The following SLC44A5 variants were observed in gnomAD, a reference collection of about 807,000 sequenced individuals.
SLC44A5 encodes choline transporter-like protein 5.
Under a neutral mutation model 101.8 loss-of-function variants are expected in SLC44A5, and 57 were observed. The observed-to-expected ratio is 0.56, with a 90% CI of 0.45 to 0.70. SLC44A5 has a LOEUF of 0.70. Among genes scored for constraint, SLC44A5 ranks in the 30% least tolerant of loss-of-function variants. SLC44A5 has a pLI of 0.00. For missense variants in SLC44A5, 737 were observed against 853.1 expected (o/e 0.86, Z 1.70); for synonymous variants, 281 against 290.9 (o/e 0.97, Z 0.35).
intron 10 of SLC44A5, among the ~76,000 whole-genome samples, chr1:75,237,959 C>T (rs762789246): frequency 4.6e-5 from 7 of 151,884 alleles, no homozygotes; most frequent in African/African-American, 7.3e-5. Flanking sequence ...TGCGTGCACA[C>T]AGGGAAATAT....
chr1:75,641,019 A>G, the SLC44A5 span, among the ~76,000 whole-genome samples: 2 of 152,120 alleles, frequency 1.3e-5, no homozygotes, highest in Admixed American at 6.6e-5. Context: ...CTTACAGTAG[A>G]ACCCATAAGT....
At chr1:75,369,359 T>A (rs966566738) in intron 3 of SLC44A5, among the ~76,000 whole-genome samples, 1 of 152,172 alleles carries the variant, frequency 6.6e-6, no homozygotes, top group Non-Finnish European at 1.5e-5. Flanking sequence ...ATAAATAATC[T>A]ACTCCATATA....
chr1:75,298,400 T>C (rs1353095841), intron 5 of SLC44A5, among the ~76,000 whole-genome samples: 1 of 152,192 alleles, frequency 6.6e-6, no homozygotes, highest in Non-Finnish European at 1.5e-5. Context: ...ACACAGTTTT[T>C]TATTGAGTAA....
At chr1:75,451,323 C>G (rs1160413403) in intron 2 of SLC44A5, among the ~76,000 whole-genome samples, 1 of 152,118 alleles carries the variant, frequency 6.6e-6, no homozygotes, top group African/African-American at 2.4e-5. Flanking sequence ...TTAGCCGCAG[C>G]CAATTCTTAC....
chr1:75,217,920 C>A lies in SLC44A5; in HGVS notation c.1570G>T (p.Ala524Ser). ...ACAATTTTAAACATTTGAATTAATG[C>A]AATAATTAAAGATCCAAATGCTAGG... is the stretch of plus-strand genomic sequence containing the variant. Reference protein sequence around the residue: ...GSLAFGSLIIALIQMFKIVLE... With the variant: ...GSLAFGSLIISLIQMFKIVLE... The change falls in exon 18 of 24, where the codon GCA becomes TCA. Residue 524 changes from alanine (A) to serine (S), a missense_variant. By Grantham distance (99) the Ala-to-Ser change is moderately conservative (BLOSUM62 1). Coordinates refer to ENST00000370859, the MANE Select transcript of SLC44A5 (RefSeq NM_001130058.2). 6.2e-7 allele frequency: 1 copy of A among 1,605,736 alleles called. No individual in the cohort carries two copies. Among genetic ancestry groups the A allele is most frequent in the Non-Finnish European group, 8.5e-7 (1 of 1,172,818 alleles).
At chr1:75,457,750 G>A (rs549869946) in intron 2 of SLC44A5, among the ~76,000 whole-genome samples, 2 of 152,136 alleles carry the variant, frequency 1.3e-5, no homozygotes, top group Admixed American at 6.6e-5. Context: ...CCAGCTACTA[G>A]GGAGGCTGAG....
chr1:75,544,464 C>A (rs572519402), intron 1 of SLC44A5, among the ~76,000 whole-genome samples: 2 of 152,264 alleles, frequency 1.3e-5, no homozygotes, highest in African/African-American at 4.8e-5. Flanking sequence ...TCAATTGTTA[C>A]CATTTTGCCA....
At chr1:75,338,947 C>G (rs1417850732) in intron 4 of SLC44A5, among the ~76,000 whole-genome samples, 2 of 152,100 alleles carry the variant, frequency 1.3e-5, no homozygotes, top group African/African-American at 4.8e-5. Flanking sequence ...TCACAATCCC[C>G]TTTGTTATTA....
the SLC44A5 span, among the ~76,000 whole-genome samples, chr1:75,696,407 A>G: frequency 6.6e-6 from 1 of 152,240 alleles, no homozygotes; most frequent in Non-Finnish European, 1.5e-5. Context: ...CTATCATGAT[A>G]GGAAAAAGGA....
chr1:75,437,308 T>C (rs903909133), intron 2 of SLC44A5, among the ~76,000 whole-genome samples: 1 of 152,138 alleles, frequency 6.6e-6, no homozygotes, highest in Non-Finnish European at 1.5e-5. Flanking sequence ...TTACAATGGC[T>C]ATGATATCAC....
chr1:75,233,833 A>T (rs781037231), intron 12 of SLC44A5, among the ~76,000 whole-genome samples, 153 bp downstream of exon 12: 1 of 152,166 alleles, frequency 6.6e-6, no homozygotes, highest in Non-Finnish European at 1.5e-5. Flanking sequence ...CAATATATGC[A>T]AAATGAAATA....
In SLC44A5 at chr1:75,289,050, A is replaced by G. The variant is rs551024442; in HGVS notation, c.175+11562T>C. The stretch of plus-strand genomic sequence containing the variant: ...ATGGATAGGAGAAAAATATGACAAT[A>G]CAGGAGTCTTCCACCTCATTAAAGT... On this transcript the variant is annotated intron_variant, in intron 5 of 23. Transcript: ENST00000370859. 4.6e-5 allele frequency among the ~76,000 whole-genome samples: 7 copies of G among 152,338 alleles called. No individual in the cohort carries two copies. The South Asian group carries it at 1.4e-3, about 32-fold the overall frequency.
chr1:75,668,446 T>A, the SLC44A5 span, among the ~76,000 whole-genome samples: 1 of 144,756 alleles, frequency 6.9e-6, no homozygotes, highest in East Asian at 2.2e-4. Context: ...AGCCTTAGCC[T>A]CCCGAGTAGC....
chr1:75,604,639 T>C (rs866843606), intron 1 of SLC44A5, among the ~76,000 whole-genome samples: 1 of 152,014 alleles, frequency 6.6e-6, no homozygotes, highest in African/African-American at 2.4e-5. Context: ...ATTCTTCCAA[T>C]CCATGATCAT....
intron 2 of SLC44A5, among the ~76,000 whole-genome samples, chr1:75,456,109 A>G (rs943364832): frequency 1.3e-5 from 2 of 152,186 alleles, no homozygotes; most frequent in African/African-American, 4.8e-5. Context: ...AAATCAACCC[A>G]GATACCCATC....
intron 23 of SLC44A5, chr1:75,206,498 G>C (rs2100424724): frequency 1.3e-6 from 1 of 754,758 alleles, no homozygotes; most frequent in Non-Finnish European, 2.2e-6. Context: ...TGACTTCTTA[G>C]AATTAAGCAC....
At chr1:75,595,762 T>C (rs974667729) in intron 1 of SLC44A5, among the ~76,000 whole-genome samples, 5 of 152,298 alleles carry the variant, frequency 3.3e-5, no homozygotes, top group Admixed American at 6.5e-5. Flanking sequence ...TAGGCACCAA[T>C]AGAAAGATTT....
At chr1:75,257,451 A>G (rs1229572502) in intron 6 of SLC44A5, among the ~76,000 whole-genome samples, 1 of 152,196 alleles carries the variant, frequency 6.6e-6, no homozygotes, top group African/African-American at 2.4e-5. Context: ...TTCAACAGCC[A>G]AAGTGAACAG....
intron 1 of SLC44A5, among the ~76,000 whole-genome samples, chr1:75,601,323 A>C (rs1216819198): frequency 6.7e-6 from 1 of 150,226 alleles, no homozygotes; most frequent in African/African-American, 2.4e-5. Context: ...GGAGTTGATC[A>C]ATGAGAACAC....
Sources: allele counts gnomAD v4.1 joint callset (sites outside exome capture counted in the v4.1 genomes callset), GRCh38; gene constraint gnomAD v4.1.1; transcripts MANE v1.5; gene names NCBI Gene and HGNC (gene_info 2026-07-23, HGNC 2026-07-21).